The following BBX variants were observed in gnomAD, a reference collection of about 807,000 sequenced individuals.
BBX encodes BBX high mobility group box domain containing.
Under a neutral mutation model 100.2 loss-of-function variants are expected in BBX, and 30 were observed. The ratio of observed to expected loss-of-function variants is 0.30; its 90% confidence interval spans 0.22 to 0.41. BBX has a LOEUF of 0.41. BBX is among the 10% of genes least tolerant of loss of function. The pLI, the probability that BBX is intolerant of heterozygous loss-of-function variation, is 1.00. For synonymous variants in BBX, 376 were observed against 388.1 expected (o/e 0.97, Z 0.37); for missense variants, 1,023 against 1,129.8 (o/e 0.91, Z 1.35).
chr3:107,693,142 G>A (rs1161355362), intron 3 of BBX, among the ~76,000 whole-genome samples: 1 of 149,358 alleles, frequency 6.7e-6, no homozygotes, highest in East Asian at 2.0e-4. Flanking sequence ...CTCCCATTTT[G>A]TAGGTTGCCT....
intron 3 of BBX, among the ~76,000 whole-genome samples, chr3:107,678,433 T>C (rs2059395211): frequency 2.0e-5 from 3 of 152,076 alleles, no homozygotes; most frequent in Admixed American, 1.3e-4. Context: ...TTAGAAGTTA[T>C]TATGGGCCTA....
intron 12 of BBX, chr3:107,776,464 C>T (rs1199741128): frequency 2.6e-5 from 4 of 152,074 alleles, no homozygotes; most frequent in Admixed American, 6.6e-5. Flanking sequence ...GTGCCTTTTC[C>T]TCCTTTCTCC....
At chr3:107,801,323 A>G (rs1386334750) in intron 17 of BBX, 42 bp downstream of exon 17, 2 of 1,590,326 alleles carry the variant, frequency 1.3e-6, no homozygotes, top group African/African-American at 2.7e-5. Flanking sequence ...CATGGAAACC[A>G]GATCAACCTC....
intron 3 of BBX, among the ~76,000 whole-genome samples, chr3:107,652,916 T>C (rs659888): frequency 0.67 from 102,347 of 152,014 alleles, 34,861 homozygotes; most frequent in East Asian, 0.97. Flanking sequence ...GACTTGTTTA[T>C]GCTAGAAAGT....
chr3:107,759,219 A>T (rs1163251020), intron 10 of BBX, among the ~76,000 whole-genome samples: 4 of 152,310 alleles, frequency 2.6e-5, no homozygotes, highest in African/African-American at 9.6e-5. Context: ...TAATTCAGGC[A>T]TATGATTGGC....
rs367568608 is a variant in BBX, at chr3:107,774,819, G to A, written c.2016G>A (p.Lys672=). ...FSQSGTSGSK[K]FKKTKPKEDC... ...AGAGTGGGACCAGTGGGAGCAAGAA[G>A]TTCAAGAAGACAAAGCCAAAAGAAG... Residue 672 remains lysine (K), a synonymous_variant, in exon 12 of 18, where the codon AAG becomes AAA. Transcript: ENST00000325805. 31 of 1,613,454 alleles carry A rather than the reference G, an allele frequency of 1.9e-5. No homozygotes were observed. The highest frequency in any genetic ancestry group is 2.5e-5 in the Non-Finnish European group (30 of 1,179,640).
chr3:107,725,032 A>G (rs1203294304), intron 5 of BBX, among the ~76,000 whole-genome samples: 1 of 152,162 alleles, frequency 6.6e-6, no homozygotes, highest in African/African-American at 2.4e-5. Context: ...GATTATTCCT[A>G]CCCATGAGCA....
chr3:107,801,183 C>A lies in BBX; in HGVS notation c.2640C>A (p.Val880=). The A allele has an allele frequency of 6.2e-7, 1 of 1,614,110 alleles. No homozygotes were observed. Among genetic ancestry groups the A allele is most frequent in the African/African-American group, 1.3e-5 (1 of 75,024 alleles). The change falls in exon 17 of 18, where the codon GTC becomes GTA. Residue 880 remains valine (V), a synonymous_variant. Transcript: ENST00000325805. The part of the protein sequence containing the change: ...CNDKCSHNTE[V]GETRSSTPEM... Reference sequence around the variant, plus strand: ...ACAAATGCTCACACAACACCGAGGTCGGGGAGACGCGGAGCAGTACTCCAG... The same window carrying A: ...ACAAATGCTCACACAACACCGAGGTAGGGGAGACGCGGAGCAGTACTCCAG...
At chr3:107,737,892 T>G (rs904995974) in intron 7 of BBX, among the ~76,000 whole-genome samples, 1 of 132,892 alleles carries the variant, frequency 7.5e-6, no homozygotes, top group African/African-American at 2.8e-5. Flanking sequence ...CAGTTTTTTT[T>G]TTTTTTTTTT....
At chr3:107,689,254 A>G (rs926302629) in intron 3 of BBX, among the ~76,000 whole-genome samples, 2 of 152,194 alleles carry the variant, frequency 1.3e-5, no homozygotes, top group African/African-American at 4.8e-5. Context: ...TACAATAAAC[A>G]CAGGAAGTTG....
chr3:107,664,767 T>C (rs747934884), intron 3 of BBX, among the ~76,000 whole-genome samples: 2 of 152,224 alleles, frequency 1.3e-5, no homozygotes, highest in Non-Finnish European at 2.9e-5. Flanking sequence ...AGAATGTACA[T>C]TTCTTTTCTT....
chr3:107,535,806 C>T (rs1420875707), intron 2 of BBX, among the ~76,000 whole-genome samples: 1 of 152,146 alleles, frequency 6.6e-6, no homozygotes, highest in East Asian at 1.9e-4. Flanking sequence ...GCCATGTTGG[C>T]CAGGCAGGTC....
intron 2 of BBX, among the ~76,000 whole-genome samples, chr3:107,587,961 A>G (rs565508586): frequency 6.6e-6 from 1 of 152,334 alleles, no homozygotes; most frequent in East Asian, 1.9e-4. Context: ...TTTTACAGCA[A>G]GTTGGCAGAA....
chr3:107,608,927 A>G (rs2054636229), intron 2 of BBX, among the ~76,000 whole-genome samples: 1 of 152,162 alleles, frequency 6.6e-6, no homozygotes, highest in Non-Finnish European at 1.5e-5. Context: ...AATTTACTGA[A>G]TCTGTTTATA....
intron 17 of BBX, among the ~76,000 whole-genome samples, chr3:107,801,637 A>T (rs1379795039): frequency 2.6e-5 from 4 of 152,100 alleles, no homozygotes; most frequent in Non-Finnish European, 5.9e-5. Context: ...CTTGACCAAG[A>T]TTATTAACCT....
At chr3:107,542,214 G>T (rs1358549343) in intron 2 of BBX, among the ~76,000 whole-genome samples, 4 of 152,158 alleles carry the variant, frequency 2.6e-5, no homozygotes, top group Non-Finnish European at 5.9e-5. Context: ...TTATTATACT[G>T]TGGGAGAATG....
chr3:107,588,434 A>G (rs1024273864), intron 2 of BBX, among the ~76,000 whole-genome samples: 1 of 152,140 alleles, frequency 6.6e-6, no homozygotes, highest in Admixed American at 6.5e-5. Context: ...TTCATGCTGG[A>G]GACAAGCCAG....
At chr3:107,661,212 G>A (rs1442982022) in intron 3 of BBX, among the ~76,000 whole-genome samples, 1 of 151,972 alleles carries the variant, frequency 6.6e-6, no homozygotes, top group African/African-American at 2.4e-5. Flanking sequence ...TGTCCCATAA[G>A]ATAGAAAAAT....
chr3:107,774,870 G>A lies in BBX; in HGVS notation c.2054+13G>A. 1 of 1,612,342 alleles carries A rather than the reference G, an allele frequency of 6.2e-7. No individual in the cohort carries two copies. The highest frequency in any genetic ancestry group is 8.5e-7 in the Non-Finnish European group (1 of 1,179,110). ...ACTGTCTCCTTGGGTAAGTGCCTGT[G>A]AGCACAGTCACCTGTACTCCACAAG... On this transcript the variant is annotated intron_variant, in intron 12 of 17. Coordinates refer to ENST00000325805, the MANE Select transcript of BBX (RefSeq NM_001142568.3).
Sources: gnomAD v4.1 joint callset for allele counts (sites outside exome capture counted in the v4.1 genomes callset) on GRCh38, gnomAD v4.1.1 for gene constraint, MANE v1.5 for transcripts, NCBI Gene and HGNC (gene_info 2026-07-23, HGNC 2026-07-21) for gene names.